The following TRAT1 variants were observed in gnomAD, a reference collection of about 807,000 sequenced individuals.
TRAT1 encodes T-cell receptor-associated transmembrane adapter 1.
TRAT1 carries 20 observed loss-of-function variants against 20.0 expected under a neutral mutation model. The ratio of observed to expected loss-of-function variants is 1.00; its 90% CI spans 0.70 to 1.45. The LOEUF is 1.45. TRAT1 is among the 40% of genes most tolerant of loss of function. TRAT1 has a pLI of 0.00. For synonymous variants in TRAT1, 77 were observed against 74.2 expected (o/e 1.04, Z -0.20); for missense variants, 237 against 224.1 (o/e 1.06, Z -0.37).
In TRAT1 at chr3:108,853,677, C is replaced by A. The variant is rs138588985; in HGVS notation, c.361C>A (p.Arg121Ser). The change falls in exon 6 of 6, where the codon CGT (arginine) becomes AGT (serine). Residue 121 changes from arginine to serine, a missense_variant. Physicochemically the swap from Arg to Ser is moderately radical, Grantham distance 110. Transcript: ENST00000295756. ...ACTTGATCACAGCGTTAAGGGGAAGCGTAGAAAGCCCAGGAAACAGAATAC... is the reference window on the plus strand; with the variant it reads ...ACTTGATCACAGCGTTAAGGGGAAGAGTAGAAAGCCCAGGAAACAGAATAC... ...ASLDHSVKGK[R>S]RKPRKQNTHF... 1.1e-4 allele frequency: 176 copies of A among 1,614,072 alleles called. 2 individuals are homozygous for A. In the East Asian group the frequency reaches 3.9e-3, roughly 36 times the overall value.
chr3:108,829,302 G>A (rs1239160729), intron 1 of TRAT1, among the ~76,000 whole-genome samples: 2 of 152,084 alleles, frequency 1.3e-5, no homozygotes, highest in African/African-American at 4.8e-5. Flanking sequence ...GTTTTGGTCT[G>A]GCTGGGCTCA....
chr3:108,845,670 A>G (rs1945935979), intron 3 of TRAT1, among the ~76,000 whole-genome samples: 1 of 151,854 alleles, frequency 6.6e-6, no homozygotes, highest in South Asian at 2.1e-4. Flanking sequence ...TGGCATAGAG[A>G]GTAATACAGG....
chr3:108,847,114 G>C lies in TRAT1; in HGVS notation c.199G>C (p.Asp67His), dbSNP rs1945954776. The C allele has an allele frequency of 6.5e-7, 1 of 1,541,756 alleles. No homozygotes were observed. Among genetic ancestry groups the C allele is most frequent in the Non-Finnish European group, 8.9e-7 (1 of 1,125,010 alleles). ...IEDTPIYGNL[D>H]DMISEPMDEN... ...AGACACACCAATTTATGGTAACTTAGATGATATGATTTCAGGTAAGTTTTC... is the reference window on the plus strand; with the variant it reads ...AGACACACCAATTTATGGTAACTTACATGATATGATTTCAGGTAAGTTTTC... The change falls in exon 4 of 6, where the codon GAT becomes CAT. Residue 67 changes from aspartate (D) to histidine (H), a missense_variant. Coordinates refer to ENST00000295756, the MANE Select transcript of TRAT1 (RefSeq NM_016388.4).
chr3:108,846,846 A>G (rs1459479659), intron 3 of TRAT1, among the ~76,000 whole-genome samples: 1 of 152,226 alleles, frequency 6.6e-6, no homozygotes, highest in African/African-American at 2.4e-5. Context: ...CCCTGTAAGA[A>G]GATCCAAAAA....
At chr3:108,834,490 C>T (rs1945821646) in intron 2 of TRAT1, among the ~76,000 whole-genome samples, 2 of 152,224 alleles carry the variant, frequency 1.3e-5, no homozygotes, top group Admixed American at 1.3e-4. Context: ...TTCAGAACTG[C>T]TCTGCAAACA....
intron 1 of TRAT1, among the ~76,000 whole-genome samples, chr3:108,826,027 A>G (rs1011790329): frequency 2.6e-5 from 4 of 152,200 alleles, no homozygotes; most frequent in Non-Finnish European, 4.4e-5. Flanking sequence ...GTTTAATTGT[A>G]GAAGCAATGA....
chr3:108,839,166 A>T (rs1945868603), intron 3 of TRAT1, 199 bp downstream of exon 3: 1 of 538,220 alleles, frequency 1.9e-6, no homozygotes, highest in Admixed American at 3.6e-5. Flanking sequence ...GCACACTGTG[A>T]GTCAACAAGA....
intron 4 of TRAT1, 53 bp from the exon 5 acceptor site, chr3:108,849,113 T>A (rs1285439504): frequency 1.4e-6 from 2 of 1,424,086 alleles, no homozygotes; most frequent in Non-Finnish European, 2.0e-6. Flanking sequence ...TTTTTAATCA[T>A]ACTAGTATTT....
intron 1 of TRAT1, among the ~76,000 whole-genome samples, chr3:108,825,351 G>A (rs959664809): frequency 3.3e-5 from 5 of 151,840 alleles, no homozygotes; most frequent in Non-Finnish European, 7.4e-5. Flanking sequence ...GGAATCAAAT[G>A]GTGAAAACAA....
chr3:108,838,394 A>G (rs545503084), intron 2 of TRAT1, among the ~76,000 whole-genome samples: 2 of 148,522 alleles, frequency 1.3e-5, no homozygotes, highest in South Asian at 4.3e-4. Flanking sequence ...AGATAGATAG[A>G]TAGATAGATA....
chr3:108,842,416 C>A (rs1945903405), intron 3 of TRAT1, among the ~76,000 whole-genome samples: 1 of 152,160 alleles, frequency 6.6e-6, no homozygotes, highest in South Asian at 2.1e-4. Flanking sequence ...ATCCTTATGA[C>A]AAGAGAACTC....
At chr3:108,835,177 T>C (rs1412104561) in intron 2 of TRAT1, among the ~76,000 whole-genome samples, 2 of 152,178 alleles carry the variant, frequency 1.3e-5, no homozygotes, top group African/African-American at 4.8e-5. Flanking sequence ...TTGTCTATTC[T>C]TGTACATAGG....
chr3:108,824,948 G>A (rs893350381), intron 1 of TRAT1, among the ~76,000 whole-genome samples: 3 of 152,058 alleles, frequency 2.0e-5, no homozygotes, highest in Non-Finnish European at 4.4e-5. Flanking sequence ...TTCCTCCATC[G>A]CATTTTGTAG....
At position 108,845,339 on chromosome 3, in the gene TRAT1, A is replaced by G. The variant is rs181457698; in HGVS notation, c.153-1729A>G. Among the ~76,000 whole-genome samples, 6 of 152,336 alleles carry G rather than the reference A, an allele frequency of 3.9e-5. No individual in the cohort carries two copies. The East Asian group carries it at 1.2e-3, about 29-fold the overall frequency. Reference sequence around the variant, plus strand: ...ATAAAACAATACTCATTTTTTGGACATGATTTATCATTTGCAAGTTGGATC... The same window carrying G: ...ATAAAACAATACTCATTTTTTGGACGTGATTTATCATTTGCAAGTTGGATC... On this transcript the variant is annotated intron_variant, in intron 3 of 5. Transcript: ENST00000295756.
At chr3:108,847,228 T>C in intron 4 of TRAT1, 99 bp downstream of exon 4, 1 of 667,042 alleles carries the variant, frequency 1.5e-6, no homozygotes, top group Non-Finnish European at 2.5e-6. Flanking sequence ...CACACTTAGC[T>C]ATCCCAGTGA....
intron 5 of TRAT1, among the ~76,000 whole-genome samples, chr3:108,849,688 A>T (rs1355283135): frequency 6.6e-6 from 1 of 152,232 alleles, no homozygotes; most frequent in African/African-American, 2.4e-5. Flanking sequence ...TCCCTATTTT[A>T]AAAGGCAGAT....
At chr3:108,836,127 C>T (rs1407731178) in intron 2 of TRAT1, among the ~76,000 whole-genome samples, 1 of 152,054 alleles carries the variant, frequency 6.6e-6, no homozygotes, top group Non-Finnish European at 1.5e-5. Flanking sequence ...ACCATTTTGG[C>T]CAGGATAGTC....
Position 108,836,513 on chromosome 3 carries a change from T to C in TRAT1, c.119-2421T>C, listed in dbSNP as rs543852176. Among the ~76,000 whole-genome samples, 7 of 152,330 alleles carry C rather than the reference T, an allele frequency of 4.6e-5. No homozygotes were observed. In the East Asian group the frequency reaches 1.3e-3, roughly 29 times the overall value. On this transcript the variant is annotated intron_variant, in intron 2 of 5. Transcript: ENST00000295756. ...TTCATTTCAAATCAAGCATTACTTA[T>C]ATATCTTTTAACTTCAAAATATCAT...
At chr3:108,835,313 T>C (rs1945829073) in intron 2 of TRAT1, among the ~76,000 whole-genome samples, 3 of 152,262 alleles carry the variant, frequency 2.0e-5, no homozygotes, top group Admixed American at 2.0e-4. Context: ...GCTCACCTAG[T>C]TCTTCCCACG....
Sources: gnomAD v4.1 joint callset for allele counts (sites outside exome capture counted in the v4.1 genomes callset) on GRCh38, gnomAD v4.1.1 for gene constraint, MANE v1.5 for transcripts, NCBI Gene and HGNC (gene_info 2026-07-23, HGNC 2026-07-21) for gene names.